Variants in MAML3 observed in about 807,000 individuals in gnomAD.
MAML3 encodes the protein mastermind-like protein 3.
In MAML3, 27 loss-of-function variants were observed where a neutral mutation model predicts 101.9. The observed-to-expected ratio is 0.27, with a 90% CI of 0.20 to 0.37. MAML3 has a LOEUF of 0.37. Ranked by LOEUF, MAML3 falls within the 10% of genes least tolerant of loss-of-function variation. MAML3 has a pLI of 1.00. For missense variants in MAML3, 1,316 were observed against 1,444.9 expected (o/e 0.91, Z 1.45); for synonymous variants, 501 against 555.9 (o/e 0.90, Z 1.39).
In MAML3 at chr4:139,997,513, T is replaced by C. The variant is rs532947339; in HGVS notation, c.469-106546A>G. ...ATATGTCATATACATCTACATTTGCTATAGACTTAATAGTAGAGTGTTAAA... is the reference window on the plus strand; with the variant it reads ...ATATGTCATATACATCTACATTTGCCATAGACTTAATAGTAGAGTGTTAAA... On this transcript the variant is annotated intron_variant, in intron 1 of 4. Coordinates refer to ENST00000509479, the MANE Select transcript of MAML3 (RefSeq NM_018717.5). 1.6e-4 allele frequency among the ~76,000 whole-genome samples: 25 copies of C among 152,278 alleles called. No individual in the cohort carries two copies. In the South Asian group the frequency reaches 5.2e-3, roughly 32 times the overall value.
chr4:139,942,174 G>GCAGC (rs1733620084), intron 1 of MAML3, among the ~76,000 whole-genome samples: 1 of 147,080 alleles, frequency 6.8e-6, no homozygotes, highest in Non-Finnish European at 1.5e-5. Flanking sequence ...GGGAGGGAAG[G>GCAGC]CAGGCAGGCA....
chr4:140,120,490 G>A (rs1296215575), intron 1 of MAML3, among the ~76,000 whole-genome samples: 1 of 152,206 alleles, frequency 6.6e-6, no homozygotes, highest in Non-Finnish European at 1.5e-5. Flanking sequence ...ACATGAAACT[G>A]CAAATGTGCC....
intron 1 of MAML3, among the ~76,000 whole-genome samples, chr4:139,979,042 T>C (rs1734398973): frequency 6.6e-6 from 1 of 152,156 alleles, no homozygotes; most frequent in South Asian, 2.1e-4. Context: ...AGTAAAATCA[T>C]AATATCAGCC....
intron 2 of MAML3, among the ~76,000 whole-genome samples, chr4:139,832,249 C>T (rs1245667555): frequency 2.0e-5 from 3 of 151,296 alleles, no homozygotes; most frequent in Non-Finnish European, 4.4e-5. Flanking sequence ...AGATTACAGG[C>T]GTGTGCCACT....
chr4:139,941,962 C>T (rs1329335999), intron 1 of MAML3, among the ~76,000 whole-genome samples: 8 of 151,942 alleles, frequency 5.3e-5, no homozygotes, highest in Admixed American at 1.3e-4. Context: ...GGTGAAACCC[C>T]GTCCCTACTA....
chr4:140,111,876 T>A (rs186105827), intron 1 of MAML3, among the ~76,000 whole-genome samples: 107 of 152,338 alleles, frequency 7.0e-4, no homozygotes, highest in African/African-American at 2.4e-3. Flanking sequence ...GCTTGCCATG[T>A]CAGTGGCCCC....
chr4:139,979,698 GAC>G (rs1734409043), intron 1 of MAML3, among the ~76,000 whole-genome samples: 1 of 152,138 alleles, frequency 6.6e-6, no homozygotes, highest in African/African-American at 2.4e-5. Flanking sequence ...GCCATGTGAG[GAC>G]ACAGTGTTCC....
intron 2 of MAML3, among the ~76,000 whole-genome samples, chr4:139,783,049 T>C (rs1274042641): frequency 6.6e-6 from 1 of 152,142 alleles, no homozygotes; most frequent in African/African-American, 2.4e-5. Flanking sequence ...TCCCCAGGGC[T>C]TGTCATTTAG....
intron 1 of MAML3, among the ~76,000 whole-genome samples, chr4:140,022,449 T>C (rs1209618607): frequency 1.3e-5 from 2 of 152,210 alleles, no homozygotes; most frequent in Non-Finnish European, 2.9e-5. Flanking sequence ...ATACAATTCC[T>C]GCACAGTAGA....
At chr4:139,744,616 T>C (rs1310065043) in intron 2 of MAML3, among the ~76,000 whole-genome samples, 7 of 152,212 alleles carry the variant, frequency 4.6e-5, no homozygotes, top group South Asian at 2.1e-4. Context: ...TGAAAAACTT[T>C]TATTGCTCAA....
intron 1 of MAML3, among the ~76,000 whole-genome samples, chr4:140,021,448 A>G (rs1239582935): frequency 6.6e-6 from 1 of 152,214 alleles, no homozygotes; most frequent in African/African-American, 2.4e-5. Flanking sequence ...TTTTGGATAC[A>G]CTATTCTAAT....
At chr4:139,794,612 G>A (rs557770891) in intron 2 of MAML3, among the ~76,000 whole-genome samples, 1 of 152,318 alleles carries the variant, frequency 6.6e-6, no homozygotes, top group East Asian at 1.9e-4. Context: ...GAGGCAGCCT[G>A]CAAATTTGGG....
At chr4:139,818,090 T>C (rs1730920242) in intron 2 of MAML3, among the ~76,000 whole-genome samples, 1 of 152,210 alleles carries the variant, frequency 6.6e-6, no homozygotes, top group Non-Finnish European at 1.5e-5. Context: ...AGGTGGGACC[T>C]GATCATTTAC....
intron 1 of MAML3, among the ~76,000 whole-genome samples, chr4:140,003,650 T>G (rs550247800): frequency 2.9e-4 from 44 of 152,308 alleles, no homozygotes; most frequent in Middle Eastern, 6.8e-3. Context: ...GTGAGGATAA[T>G]AACATTTTGC....
chr4:139,749,193 C>T (rs956411867), intron 2 of MAML3, among the ~76,000 whole-genome samples: 2 of 152,024 alleles, frequency 1.3e-5, no homozygotes, highest in Non-Finnish European at 2.9e-5. Flanking sequence ...TATGATATAC[C>T]CCAATTATAT....
chr4:140,117,712 A>G (rs1320795843), intron 1 of MAML3, among the ~76,000 whole-genome samples: 1 of 151,850 alleles, frequency 6.6e-6, no homozygotes, highest in Non-Finnish European at 1.5e-5. Flanking sequence ...TTAATAGAGA[A>G]TAGAAAAATT....
chr4:140,115,128 G>C (rs1164422906), intron 1 of MAML3, among the ~76,000 whole-genome samples: 2 of 152,116 alleles, frequency 1.3e-5, no homozygotes, highest in Non-Finnish European at 2.9e-5. Flanking sequence ...TTAAACATTT[G>C]TCCTATGGAG....
At chr4:140,140,940 C>T (rs1728970638) in intron 1 of MAML3, among the ~76,000 whole-genome samples, 1 of 152,136 alleles carries the variant, frequency 6.6e-6, no homozygotes, top group African/African-American at 2.4e-5. Context: ...ACTACCATGT[C>T]CCTGAATTGT....
At chr4:139,811,146 T>C (rs1730789640) in intron 2 of MAML3, among the ~76,000 whole-genome samples, 1 of 152,208 alleles carries the variant, frequency 6.6e-6, no homozygotes, top group Non-Finnish European at 1.5e-5. Flanking sequence ...GGCTTCTTAT[T>C]ACATGAGGAA....
Sources: gnomAD v4.1 joint callset for allele counts (sites outside exome capture counted in the v4.1 genomes callset) on GRCh38, gnomAD v4.1.1 for gene constraint, MANE v1.5 for transcripts, NCBI Gene and HGNC (gene_info 2026-07-23, HGNC 2026-07-21) for gene names.